The following KIF12 variants were observed in gnomAD, a reference collection of about 807,000 sequenced individuals.
The protein encoded by KIF12 is kinesin-like protein KIF12.
KIF12 carries 80 observed loss-of-function variants against 87.9 expected under a neutral mutation model. That is an observed-to-expected ratio of 0.91 (90% CI 0.76 to 1.10). The LOEUF is 1.10. Among genes scored for constraint, KIF12 ranks in the 50% least tolerant of loss-of-function variants. The pLI is 0.00. For synonymous variants in KIF12, 353 were observed against 348.5 expected (o/e 1.01, Z -0.14); for missense variants, 819 against 865.3 (o/e 0.95, Z 0.67).
intron 6 of KIF12, 31 bp from the exon 7 acceptor site, chr9:114,097,467 G>A (rs1055192741): frequency 1.9e-6 from 3 of 1,579,952 alleles, no homozygotes; most frequent in Non-Finnish European, 2.6e-6. Flanking sequence ...GTGAGGGAAG[G>A]GGATCTTTCT....
In KIF12 at chr9:114,098,293, T is replaced by G; in HGVS notation, c.299+9A>C. 1 of 1,476,942 alleles carries G rather than the reference T, an allele frequency of 6.8e-7. No homozygotes were observed. Among genetic ancestry groups the G allele is most frequent in the South Asian group, 1.4e-5 (1 of 73,902 alleles). 91.5% of individuals were successfully genotyped at this position (1,476,942 alleles called of 1,614,324 possible). ...GCCCGGCGCGGAGCGGAGGCGAAGC[T>G]TCACTCACCCGCGCAGCGCCAGCTC... On this transcript the variant is annotated intron_variant, in intron 4 of 18. Transcript: ENST00000640217.
chr9:114,096,636 G>GC (rs1310502617), intron 7 of KIF12, among the ~76,000 whole-genome samples, 158 bp from the exon 8 acceptor site: 4 of 152,212 alleles, frequency 2.6e-5, no homozygotes, highest in African/African-American at 9.7e-5. Context: ...GGGATGTTGG[G>GC]CCCTGCTCTA....
In KIF12 at chr9:114,093,454, G is replaced by C. The variant is rs1436513939; in HGVS notation, c.1444C>G (p.Leu482Val). 7.7e-5 allele frequency: 121 copies of C among 1,569,552 alleles called. No individual in the cohort carries two copies. In the East Asian group the frequency reaches 2.8e-3, roughly 36 times the overall value. The change falls in exon 15 of 19, where the codon CTG (leucine) becomes GTG (valine). Residue 482 changes from leucine to valine, a missense_variant. By Grantham distance (32) the Leu-to-Val change is conservative (BLOSUM62 1). Coordinates refer to ENST00000640217, the MANE Select transcript of KIF12 (RefSeq NM_001388308.1). ...ACYHHQQGPG[L>V]TPPCPCLMAP... ...ATCAAGCAGGGACACGGTGGGGTCA[G>C]GCCAGGACCCTGCTGGTGATGGTAG...
chr9:114,098,504 A>AGGGGCGGGGCACCGT (rs1554777280), intron 3 of KIF12, 75 bp from the exon 4 acceptor site: 51 of 401,168 alleles, frequency 1.3e-4, no homozygotes, highest in African/African-American at 2.6e-4. Context: ...GGCACCGTGG[A>AGGGGCGGGGCACCGT]GGAGGGCGGG....
intron 7 of KIF12, 36 bp downstream of exon 7, chr9:114,097,265 C>T: frequency 6.2e-7 from 1 of 1,600,288 alleles, no homozygotes; most frequent in Non-Finnish European, 8.5e-7. Context: ...GGAATGGGCA[C>T]CCCTACCCGC....
At chr9:114,098,259 C>T (rs1847321800) in intron 4 of KIF12, 43 bp downstream of exon 4, 13 of 1,507,768 alleles carry the variant, frequency 8.6e-6, no homozygotes, top group Non-Finnish European at 1.1e-5. Context: ...TGCTTCGGGG[C>T]CCCGCCAGGC....
rs902651074 is a variant in KIF12, at chr9:114,091,705, T to C, written c.*156A>G. 4 of 668,166 alleles carry C rather than the reference T, an allele frequency of 6.0e-6. No individual in the cohort carries two copies. Among genetic ancestry groups the C allele is most frequent in the South Asian group, 5.3e-5 (2 of 37,660 alleles). 41.4% of individuals were successfully genotyped at this position (668,166 alleles called of 1,614,324 possible). A position where few individuals can be genotyped will look rare whatever the true frequency, so the allele number is the denominator to read the frequency against. Reference sequence around the variant, plus strand: ...CTGCCTGGTTTCTCCTGAATCCCCTTGTTCCCCTAAATAGCACCCCCAGTC... The same window carrying C: ...CTGCCTGGTTTCTCCTGAATCCCCTCGTTCCCCTAAATAGCACCCCCAGTC... On this transcript the variant is annotated 3_prime_UTR_variant, in exon 19 of 19. Transcript: ENST00000640217.
At chr9:114,098,659 A>G (rs1306005100) in intron 3 of KIF12, among the ~76,000 whole-genome samples, 2 of 17,920 alleles carry the variant, frequency 1.1e-4, no homozygotes, top group Non-Finnish European at 2.0e-4. Flanking sequence ...CATTCTGGGG[A>G]GGGTAGGACA....
rs1386839851 is a variant in KIF12, at chr9:114,097,753, A to G, written c.376-12T>C. 1.2e-6 allele frequency: 2 copies of G among 1,610,610 alleles called. No homozygotes were observed. The highest frequency in any genetic ancestry group is 1.7e-6 in the Non-Finnish European group (2 of 1,178,754). ...GGCACCCCCTCCCCCTAGGGGCAAA[A>G]CCAGCTGAGCCATCGTCATCTCCAC... On this transcript the variant is annotated splice_polypyrimidine_tract_variant and intron_variant, in intron 5 of 18. Transcript: ENST00000640217.
At chr9:114,094,140 G>C (rs1847106912) in intron 13 of KIF12, 41 bp downstream of exon 13, 2 of 1,578,368 alleles carry the variant, frequency 1.3e-6, no homozygotes, top group Non-Finnish European at 1.7e-6. Context: ...AGCAGTGATG[G>C]GTGGGGAGCA....
rs1298561513 is a variant in KIF12 at position 114,093,474 on chromosome 9, T to C, written c.1424A>G (p.His475Arg). The change falls in exon 15 of 19, where the codon CAT (histidine) becomes CGT (arginine). Residue 475 changes from histidine to arginine, a missense_variant. Physicochemically the swap from His to Arg is conservative, Grantham distance 29. Coordinates refer to ENST00000640217, the MANE Select transcript of KIF12 (RefSeq NM_001388308.1). ...GGTCAGGCCAGGACCCTGCTGGTGA[T>C]GGTAGCAGGCAGAGAGGAGACGCCT... ...LERRLLSACY[H>R]HQQGPGLTPP... 19 of 1,562,954 alleles carry C rather than the reference T, an allele frequency of 1.2e-5. No homozygotes were observed. Among genetic ancestry groups the C allele is most frequent in the East Asian group, 4.7e-5 (2 of 42,216 alleles).
chr9:114,092,709 G>A, intron 16 of KIF12, 67 bp from the exon 17 acceptor site: 3 of 1,528,086 alleles, frequency 2.0e-6, no homozygotes, highest in Non-Finnish European at 2.6e-6. Flanking sequence ...CACCTACCTG[G>A]TGCTAGCCAT....
chr9:114,095,361 G>A lies in KIF12; in HGVS notation c.896-29C>T, dbSNP rs1847179795. 1.9e-6 allele frequency: 3 copies of A among 1,602,790 alleles called. No homozygotes were observed. The Admixed American group carries it at 5.1e-5, about 27-fold the overall frequency. The stretch of plus-strand genomic sequence containing the variant: ...GGGAGGGAGAGCAAGAGTTAGGAAG[G>A]TTACATCACTTGCCTAGGGCCATCA... On this transcript the variant is annotated intron_variant, in intron 9 of 18. Transcript: ENST00000640217.
intron 9 of KIF12, among the ~76,000 whole-genome samples, 171 bp downstream of exon 9, chr9:114,095,880 G>C (rs917105234): frequency 2.0e-5 from 3 of 152,224 alleles, no homozygotes; most frequent in African/African-American, 7.2e-5. Flanking sequence ...TTTTACGAAG[G>C]GAGAAGTCAA....
Position 114,092,607 on chromosome 9 carries a change from TG to T in KIF12, c.1631del (p.Pro544HisfsTer38). On this transcript the variant is annotated frameshift_variant, in exon 17 of 19. Coordinates refer to ENST00000640217, the MANE Select transcript of KIF12 (RefSeq NM_001388308.1). LOFTEE classifies it high-confidence loss of function. ...GTGCCCAGGGTGGGGGCCGGGCAGA[TG>T]GGGGCCTGCCACCTGAGGCCTCAGG... is the stretch of plus-strand genomic sequence containing the variant. ...LDPEASGGRP[P>X]SARPPPWAPP... The T allele has an allele frequency of 1.2e-6, 2 of 1,600,698 alleles. No individual in the cohort carries two copies. The highest frequency in any genetic ancestry group is 8.5e-7 in the Non-Finnish European group (1 of 1,175,940).
rs763396255 is a variant in KIF12 at position 114,096,428 on chromosome 9, G to A, written c.697C>T (p.Arg233Ter). 6.8e-6 allele frequency: 11 copies of A among 1,613,014 alleles called. No individual in the cohort carries two copies. The highest frequency in any genetic ancestry group is 2.2e-5 in the East Asian group (1 of 44,872). The change falls in exon 8 of 19, where the codon CGA becomes TGA. Residue 233 changes from arginine (R) to a stop codon, truncating the protein, a stop_gained. Transcript: ENST00000640217. LOFTEE classifies it high-confidence loss of function. ...SAHTLNQASS[R>*]SHALLTLYIS... ...TAAAGGGTGAGCAGGGCATGGCTTC[G>A]GCTGGAGGCCTGGTTCAGGGTGTGG...
Position 114,097,448 on chromosome 9 carries a change from G to A in KIF12, c.511-12C>T. 2 of 1,586,810 alleles carry A rather than the reference G, an allele frequency of 1.3e-6. No homozygotes were observed. Among genetic ancestry groups the A allele is most frequent in the Non-Finnish European group, 1.7e-6 (2 of 1,167,674 alleles). On this transcript the variant is annotated splice_polypyrimidine_tract_variant and intron_variant, in intron 6 of 18. Coordinates refer to ENST00000640217, the MANE Select transcript of KIF12 (RefSeq NM_001388308.1). ...AGCAAGTCCCGAACCTGGGAGGGGA[G>A]GGAGGAGGGTGAGGGAAGGGGATCT...
intron 9 of KIF12, among the ~76,000 whole-genome samples, 199 bp from the exon 10 acceptor site, chr9:114,095,531 C>T (rs1847186644): frequency 6.6e-6 from 1 of 152,228 alleles, no homozygotes; most frequent in African/African-American, 2.4e-5. Flanking sequence ...CCTGTATACC[C>T]TGACCCTCAA....
chr9:114,094,973 C>T (rs1197837766), intron 11 of KIF12, 50 bp downstream of exon 11: 5 of 1,459,708 alleles, frequency 3.4e-6, no homozygotes, highest in Middle Eastern at 2.6e-4. Context: ...CCTGCCTGAT[C>T]CCCCAGCATC....
Sources: gnomAD v4.1 joint callset for allele counts (sites outside exome capture counted in the v4.1 genomes callset) on GRCh38, gnomAD v4.1.1 for gene constraint, MANE v1.5 for transcripts, NCBI Gene and HGNC (gene_info 2026-07-23, HGNC 2026-07-21) for gene names.